SEMA3E: variants seen among roughly 807,000 people sequenced by gnomAD.
SEMA3E encodes the protein semaphorin 3E.
A neutral mutation model predicts 93.6 loss-of-function variants in SEMA3E; 49 were observed. The ratio of observed to expected loss-of-function variants is 0.52; its 90% CI spans 0.42 to 0.66. The LOEUF (loss-of-function observed/expected upper bound fraction) is 0.66. SEMA3E is among the 30% of genes least tolerant of loss of function. The pLI, the probability that SEMA3E is intolerant of heterozygous loss-of-function variation, is 0.00. For missense variants in SEMA3E, 906 were observed against 964.8 expected (o/e 0.94, Z 0.81); for synonymous variants, 363 against 330.7 (o/e 1.10, Z -1.06).
intron 1 of SEMA3E, among the ~76,000 whole-genome samples, chr7:83,601,703 CAA>C (rs1038937179): frequency 1.3e-5 from 2 of 152,130 alleles, no homozygotes; most frequent in African/African-American, 4.8e-5. Context: ...TAGAGAAAAT[CAA>C]GCTACAGATA....
intron 4 of SEMA3E, among the ~76,000 whole-genome samples, chr7:83,430,152 A>C (rs371180495): frequency 5.9e-5 from 9 of 152,228 alleles, no homozygotes; most frequent in African/African-American, 7.2e-5. Context: ...ATAGACTCTA[A>C]TTGTCAATTT....
chr7:83,465,068 C>T (rs1789722075), intron 4 of SEMA3E, among the ~76,000 whole-genome samples: 1 of 152,024 alleles, frequency 6.6e-6, no homozygotes, highest in East Asian at 1.9e-4. Flanking sequence ...TGACATTCCG[C>T]CACAAAAGAA....
chr7:83,506,855 G>A (rs1457604317), intron 1 of SEMA3E, among the ~76,000 whole-genome samples: 1 of 152,164 alleles, frequency 6.6e-6, no homozygotes, highest in Non-Finnish European at 1.5e-5. Flanking sequence ...AAGTTAAAAT[G>A]TCTATTATAG....
At chr7:83,501,757 A>G (rs1790601840) in intron 1 of SEMA3E, among the ~76,000 whole-genome samples, 1 of 152,210 alleles carries the variant, frequency 6.6e-6, no homozygotes, top group East Asian at 1.9e-4. Context: ...TTGAAATTGT[A>G]TACTTTTCTC....
At chr7:83,405,393 G>A (rs1788307683) in intron 9 of SEMA3E, 57 bp downstream of exon 9, 1 of 1,227,150 alleles carries the variant, frequency 8.1e-7, no homozygotes, top group Non-Finnish European at 1.2e-6. Flanking sequence ...TGAAGGGAGA[G>A]TCCGGTGAGG....
At chr7:83,603,627 G>A (rs1483502632) in intron 1 of SEMA3E, among the ~76,000 whole-genome samples, 5 of 152,136 alleles carry the variant, frequency 3.3e-5, no homozygotes, top group Non-Finnish European at 7.4e-5. Context: ...TAGTTGTTTA[G>A]CAAATTGATT....
chr7:83,469,500 A>C (rs1399588109), intron 2 of SEMA3E, among the ~76,000 whole-genome samples, 198 bp from the exon 3 acceptor site: 1 of 147,922 alleles, frequency 6.8e-6, no homozygotes, highest in East Asian at 2.0e-4. Context: ...CTTTTACTTT[A>C]TGATAAATCC....
chr7:83,493,045 C>A (rs1449719776), intron 1 of SEMA3E, among the ~76,000 whole-genome samples: 1 of 151,940 alleles, frequency 6.6e-6, no homozygotes, highest in African/African-American at 2.4e-5. Flanking sequence ...AGACTGGATT[C>A]TTCACCTGTT....
chr7:83,591,576 A>C (rs1792758030), intron 1 of SEMA3E, among the ~76,000 whole-genome samples: 1 of 152,098 alleles, frequency 6.6e-6, no homozygotes, highest in African/African-American at 2.4e-5. Flanking sequence ...ATATAAATTA[A>C]GAAAATAGTT....
intron 10 of SEMA3E, among the ~76,000 whole-genome samples, chr7:83,400,863 A>C (rs1788222650): frequency 6.6e-6 from 1 of 152,140 alleles, no homozygotes; most frequent in East Asian, 1.9e-4. Flanking sequence ...CACAAAGAGA[A>C]GAAATCTCTT....
intron 4 of SEMA3E, among the ~76,000 whole-genome samples, chr7:83,439,098 T>G (rs1391003116): frequency 6.6e-6 from 1 of 152,224 alleles, no homozygotes; most frequent in African/African-American, 2.4e-5. Flanking sequence ...AGTCTCGTTT[T>G]AGTATGCAGA....
chr7:83,380,107 T>C (rs1787747737), intron 16 of SEMA3E, among the ~76,000 whole-genome samples: 1 of 151,902 alleles, frequency 6.6e-6, no homozygotes. Context: ...GTGCTTCTTC[T>C]CCTGTATTAT....
At chr7:83,408,626 T>A in intron 5 of SEMA3E, 139 bp from the exon 6 acceptor site, 1 of 1,008,304 alleles carries the variant, frequency 9.9e-7, no homozygotes, top group Middle Eastern at 3.0e-4. Context: ...ATGGATGGTA[T>A]AGTAAGACTC....
At chr7:83,575,454 CTTTA>C (rs1792380272) in intron 1 of SEMA3E, among the ~76,000 whole-genome samples, 1 of 151,970 alleles carries the variant, frequency 6.6e-6, no homozygotes. Context: ...ATTGGATATA[CTTTA>C]TTTGATTCTA....
intron 1 of SEMA3E, among the ~76,000 whole-genome samples, chr7:83,597,932 A>G (rs1336140363): frequency 1.3e-5 from 2 of 152,204 alleles, no homozygotes; most frequent in African/African-American, 4.8e-5. Context: ...ATAAGAGACA[A>G]GGAGTTTGAA....
intron 4 of SEMA3E, among the ~76,000 whole-genome samples, chr7:83,450,155 C>T (rs1177067022): frequency 6.6e-6 from 1 of 152,174 alleles, no homozygotes. Context: ...AACTAGAAAA[C>T]TTATACACCA....
chr7:83,525,478 G>A (rs945169348), intron 1 of SEMA3E, among the ~76,000 whole-genome samples: 4 of 151,756 alleles, frequency 2.6e-5, no homozygotes, highest in Non-Finnish European at 5.9e-5. Flanking sequence ...TTCTCTTTCT[G>A]CAATGCTTAT....
At chr7:83,518,072 T>C (rs1319553692) in intron 1 of SEMA3E, among the ~76,000 whole-genome samples, 1 of 152,000 alleles carries the variant, frequency 6.6e-6, no homozygotes, top group Non-Finnish European at 1.5e-5. Flanking sequence ...GGCACAGAAA[T>C]GTGAACAAAT....
chr7:83,389,106 C>T (rs1216272866), intron 14 of SEMA3E, among the ~76,000 whole-genome samples: 1 of 151,742 alleles, frequency 6.6e-6, no homozygotes, highest in African/African-American at 2.4e-5. Context: ...ATGTATCATT[C>T]TACTGAACTA....
Sources: gnomAD v4.1 joint callset for allele counts (sites outside exome capture counted in the v4.1 genomes callset) on GRCh38, gnomAD v4.1.1 for gene constraint, MANE v1.5 for transcripts, NCBI Gene and HGNC (gene_info 2026-07-23, HGNC 2026-07-21) for gene names.